The following RBM27 variants were observed in gnomAD, a reference collection of about 807,000 sequenced individuals.
The protein encoded by RBM27 is RNA binding motif protein 27.
RBM27 carries 22 observed loss-of-function variants against 135.3 expected under a neutral mutation model. The observed-to-expected ratio is 0.16, with a 90% CI of 0.12 to 0.23. The LOEUF (loss-of-function observed/expected upper bound fraction) is 0.23. Among genes scored for constraint, RBM27 ranks in the 10% least tolerant of loss-of-function variants. The pLI is 1.00. For synonymous variants in RBM27, 481 were observed against 442.4 expected (o/e 1.09, Z -1.10); for missense variants, 1,009 against 1,281.0 (o/e 0.79, Z 3.24).
chr5:146,280,405 T>C (rs553735896), intron 19 of RBM27, among the ~76,000 whole-genome samples: 2 of 152,330 alleles, frequency 1.3e-5, no homozygotes, highest in East Asian at 1.9e-4. Context: ...TAAAAATGTT[T>C]ATAAAAACCA....
In RBM27 at chr5:146,284,607, T is replaced by C. The variant is rs200518770; in HGVS notation, c.2989-15T>C. 5 of 1,522,280 alleles carry C rather than the reference T, an allele frequency of 3.3e-6. No homozygotes were observed. Among genetic ancestry groups the C allele is most frequent in the Non-Finnish European group, 4.5e-6 (5 of 1,101,360 alleles). 94.3% of individuals were successfully genotyped at this position (1,522,280 alleles called of 1,614,324 possible). A position where few individuals can be genotyped will look rare whatever the true frequency, so the allele number is the denominator to read the frequency against. On this transcript the variant is annotated splice_polypyrimidine_tract_variant and intron_variant, in intron 19 of 20. Coordinates refer to ENST00000265271, the MANE Select transcript of RBM27 (RefSeq NM_018989.2). ...TTGAGTGCAAACTTGTATGTTCTTC[T>C]AATATATATTTTAGACCGCAAACCA...
At chr5:146,244,307 G>C (rs568188503) in intron 8 of RBM27, among the ~76,000 whole-genome samples, 1 of 152,084 alleles carries the variant, frequency 6.6e-6, no homozygotes, top group South Asian at 2.1e-4. Flanking sequence ...GCTGCAGATA[G>C]TACCATTATA....
chr5:146,211,464 C>CTTTTTTTTTTTTTTTTTTTT lies in RBM27; in HGVS notation c.60-7510_60-7491dup, dbSNP rs57117642. ...CTTACTTTGTCCAGTATGGTCTTAT[C>CTTTTTTTTTTTTTTTTTTTT]TTTTTTTTTTTTTTTTTTTTTTTTT... On this transcript the variant is annotated intron_variant, in intron 1 of 20. Transcript: ENST00000265271. 6.0e-4 allele frequency among the ~76,000 whole-genome samples: 30 copies of CTTTTTTTTTTTTTTTTTTTT among 49,932 alleles called. 3 individuals are homozygous for CTTTTTTTTTTTTTTTTTTTT. Among genetic ancestry groups the CTTTTTTTTTTTTTTTTTTTT allele is most frequent in the Admixed American group, 1.2e-3 (3 of 2,574 alleles). The allele number at this position is 49,932 out of a possible 152,430, so 32.8% of individuals were successfully genotyped here.
At chr5:146,255,510 A>G (rs1758064844) in intron 10 of RBM27, among the ~76,000 whole-genome samples, 1 of 152,222 alleles carries the variant, frequency 6.6e-6, no homozygotes, top group Admixed American at 6.5e-5. Flanking sequence ...AGAATCTAAA[A>G]TGTTACAATT....
At chr5:146,218,424 G>A (rs1223622736) in intron 1 of RBM27, among the ~76,000 whole-genome samples, 1 of 152,038 alleles carries the variant, frequency 6.6e-6, no homozygotes, top group African/African-American at 2.4e-5. Context: ...AGCTGCTAAA[G>A]CATTTGCCAA....
intron 1 of RBM27, among the ~76,000 whole-genome samples, chr5:146,211,860 T>C (rs1755973190): frequency 6.6e-6 from 1 of 152,156 alleles, no homozygotes; most frequent in African/African-American, 2.4e-5. Context: ...ATAAGCGTAT[T>C]ATTGCATTAT....
At chr5:146,204,627 A>G (rs1755548234) in intron 1 of RBM27, among the ~76,000 whole-genome samples, 1 of 152,176 alleles carries the variant, frequency 6.6e-6, no homozygotes, top group South Asian at 2.1e-4. Flanking sequence ...AGTATACCTA[A>G]CAGTATGTAG....
chr5:146,250,337 A>G (rs1302510060), intron 8 of RBM27, among the ~76,000 whole-genome samples: 1 of 148,670 alleles, frequency 6.7e-6, no homozygotes, highest in African/African-American at 2.5e-5. Flanking sequence ...GCTACTCGGG[A>G]GGCTGAGGCA....
At chr5:146,222,951 C>T (rs1048773493) in intron 2 of RBM27, among the ~76,000 whole-genome samples, 1 of 151,944 alleles carries the variant, frequency 6.6e-6, no homozygotes, top group Non-Finnish European at 1.5e-5. Flanking sequence ...GTTTTATATC[C>T]ACCGCGTTCC....
intron 19 of RBM27, among the ~76,000 whole-genome samples, chr5:146,274,930 C>T (rs1259630865): frequency 2.6e-5 from 4 of 151,864 alleles, no homozygotes; most frequent in Admixed American, 2.6e-4. Context: ...ACATTGTCTT[C>T]TCTCCTTTCA....
intron 10 of RBM27, among the ~76,000 whole-genome samples, chr5:146,257,468 A>T (rs1758152986): frequency 6.6e-6 from 1 of 152,178 alleles, no homozygotes; most frequent in African/African-American, 2.4e-5. Flanking sequence ...CTTCATTTAG[A>T]TTCACCAGTA....
At chr5:146,236,431 C>T (rs1162716845) in intron 7 of RBM27, among the ~76,000 whole-genome samples, 2 of 152,212 alleles carry the variant, frequency 1.3e-5, no homozygotes, top group African/African-American at 2.4e-5. Context: ...CGTTCTCCAC[C>T]TTCACCCATA....
intron 14 of RBM27, among the ~76,000 whole-genome samples, chr5:146,264,466 G>T (rs936248870): frequency 6.6e-6 from 1 of 152,024 alleles, no homozygotes; most frequent in African/African-American, 2.4e-5. Flanking sequence ...ACTGCACCCG[G>T]CTGAATTTTA....
At chr5:146,253,157 C>G (rs1200200647) in intron 9 of RBM27, among the ~76,000 whole-genome samples, 4 of 151,988 alleles carry the variant, frequency 2.6e-5, no homozygotes, top group African/African-American at 9.7e-5. Context: ...ATCACCAAGC[C>G]CGGCTAATTT....
At chr5:146,217,352 C>A (rs1756249950) in intron 1 of RBM27, among the ~76,000 whole-genome samples, 1 of 149,988 alleles carries the variant, frequency 6.7e-6, no homozygotes, top group Admixed American at 6.7e-5. Flanking sequence ...GAATTACGAA[C>A]TTTAAGCATA....
chr5:146,237,633 C>T (rs1243502038), intron 8 of RBM27, among the ~76,000 whole-genome samples: 1 of 152,178 alleles, frequency 6.6e-6, no homozygotes, highest in East Asian at 1.9e-4. Flanking sequence ...GAGAGAAAGG[C>T]AAGGCTTTCT....
intron 8 of RBM27, among the ~76,000 whole-genome samples, chr5:146,239,551 C>T (rs926276555): frequency 1.1e-4 from 16 of 143,600 alleles, no homozygotes; most frequent in African/African-American, 4.0e-4. Context: ...AATCTCAACT[C>T]CCTGCAACCT....
At chr5:146,217,556 C>T in intron 1 of RBM27, among the ~76,000 whole-genome samples, 1 of 141,428 alleles carries the variant, frequency 7.1e-6, no homozygotes, top group Non-Finnish European at 1.5e-5. Flanking sequence ...CTTGCTGCAA[C>T]CTCCAACTCC....
rs1050046486 is a variant in RBM27, at chr5:146,264,119, C to A, written c.2331+488C>A. Among the ~76,000 whole-genome samples, 29 of 148,508 alleles carry A rather than the reference C, an allele frequency of 2.0e-4. No individual in the cohort carries two copies. In the South Asian group the frequency reaches 6.0e-3, roughly 31 times the overall value. ...AGACCCTGTGTCAAAAAAAAAAAAACACAAAAAACAAAAACCAAGTTAAGT... is the reference window on the plus strand; with the variant it reads ...AGACCCTGTGTCAAAAAAAAAAAAAAACAAAAAACAAAAACCAAGTTAAGT... On this transcript the variant is annotated intron_variant, in intron 14 of 20. Transcript: ENST00000265271.
Sources: gnomAD v4.1 joint callset for allele counts (sites outside exome capture counted in the v4.1 genomes callset) on GRCh38, gnomAD v4.1.1 for gene constraint, MANE v1.5 for transcripts, NCBI Gene and HGNC (gene_info 2026-07-23, HGNC 2026-07-21) for gene names.